The following MYCBP2 variants were observed in gnomAD, a reference collection of about 807,000 sequenced individuals.
MYCBP2 encodes the protein MYC binding protein 2, also known as E3 ubiquitin-protein ligase MYCBP2.
In MYCBP2, 120 loss-of-function variants were observed where a neutral mutation model predicts 525.3. The observed-to-expected ratio is 0.23, with a 90% CI of 0.20 to 0.27. MYCBP2 has a LOEUF of 0.27. Ranked by LOEUF, MYCBP2 falls within the 10% of genes least tolerant of loss-of-function variation. MYCBP2 has a pLI of 1.00. For missense variants in MYCBP2, 4,149 were observed against 5,657.1 expected (o/e 0.73, Z 8.55); for synonymous variants, 1,894 against 1,955.8 (o/e 0.97, Z 0.83).
intron 32 of MYCBP2, among the ~76,000 whole-genome samples, chr13:77,183,541 C>CTTTTTTTTTTTTTTTTTTTTT (rs60927409): frequency 3.0e-5 from 2 of 66,050 alleles, no homozygotes; most frequent in African/African-American, 1.4e-4. Context: ...GTCCCTATTT[C>CTTTTTTTTTTTTTTTTTTTTT]TTTTTTTTTT....
intron 73 of MYCBP2, among the ~76,000 whole-genome samples, chr13:77,063,609 AT>A (rs1259325364): frequency 6.6e-6 from 1 of 151,036 alleles, no homozygotes; most frequent in Non-Finnish European, 1.5e-5. Context: ...ATAGTTAAAA[AT>A]TTCTGAGGCT....
chr13:77,199,767 C>A (rs534740096), intron 26 of MYCBP2, among the ~76,000 whole-genome samples: 1 of 152,184 alleles, frequency 6.6e-6, no homozygotes, highest in Non-Finnish European at 1.5e-5. Context: ...GGGAGGCACC[C>A]CACAGCAGGG....
chr13:77,106,606 T>C (rs1209702729), intron 55 of MYCBP2, among the ~76,000 whole-genome samples: 7 of 152,162 alleles, frequency 4.6e-5, no homozygotes, highest in Non-Finnish European at 8.8e-5. Context: ...ATCTTTGGCA[T>C]GTAATTGTGC....
At chr13:77,251,108 T>C in intron 15 of MYCBP2, 43 bp downstream of exon 15, 2 of 1,578,726 alleles carry the variant, frequency 1.3e-6, no homozygotes, top group Admixed American at 1.7e-5. Context: ...TGCAAAGAAA[T>C]GTGTTCTGCA....
At chr13:77,135,585 T>C (rs184459912) in intron 52 of MYCBP2, among the ~76,000 whole-genome samples, 1 of 152,312 alleles carries the variant, frequency 6.6e-6, no homozygotes, top group African/African-American at 2.4e-5. Context: ...CCTCAGTTAA[T>C]ACCTGTACTG....
Position 77,181,844 on chromosome 13 carries a change from C to G in MYCBP2, c.4798G>C (p.Val1600Leu). 1 of 1,614,078 alleles carries G rather than the reference C, an allele frequency of 6.2e-7. No individual in the cohort carries two copies. Among genetic ancestry groups the G allele is most frequent in the African/African-American group, 1.3e-5 (1 of 75,040 alleles). Reference sequence around the variant, plus strand: ...ATCGGGAAGATGGAAGTCAGCTTAACAGACGTGTGACACAGAGCTGACATA... The same window carrying G: ...ATCGGGAAGATGGAAGTCAGCTTAAGAGACGTGTGACACAGAGCTGACATA... ...AVMSALCHTSVKLTSIFPIAY... is the reference protein window; with the variant it reads ...AVMSALCHTSLKLTSIFPIAY... The change falls in exon 33 of 83, where the codon GTT (valine) becomes CTT (leucine). Residue 1600 changes from valine (V) to leucine (L), a missense_variant. Transcript: ENST00000544440.
intron 55 of MYCBP2, among the ~76,000 whole-genome samples, chr13:77,111,049 A>T (rs2048731510): frequency 6.6e-6 from 1 of 152,228 alleles, no homozygotes; most frequent in African/African-American, 2.4e-5. Context: ...TGTTCAGCTT[A>T]AGTAATGAGA....
At chr13:77,241,431 G>A (rs995407914) in intron 17 of MYCBP2, among the ~76,000 whole-genome samples, 1 of 152,038 alleles carries the variant, frequency 6.6e-6, no homozygotes, top group African/African-American at 2.4e-5. Context: ...GTTCATTCAT[G>A]TCGCTCAACC....
chr13:77,326,901 G>C lies in MYCBP2; in HGVS notation c.-126C>G, dbSNP rs560276178. The C allele has an allele frequency of 1.1e-6, 1 of 909,990 alleles. No homozygotes were observed. The highest frequency in any genetic ancestry group is 2.7e-5 in the South Asian group (1 of 36,440). 56.4% of individuals were successfully genotyped at this position (909,990 alleles called of 1,614,324 possible). On this transcript the variant is annotated 5_prime_UTR_variant, in exon 1 of 83. Transcript: ENST00000544440. The surrounding 1 kb of genome is among the most constrained non-coding windows in gnomAD (Gnocchi z 4.2). The stretch of plus-strand genomic sequence containing the variant: ...GGCGGCCTCTGGCTCCCGCAGCAGG[G>C]AGACTACAAAGACAGCGACCTCCTT...
intron 55 of MYCBP2, among the ~76,000 whole-genome samples, chr13:77,114,276 T>A (rs1731194501): frequency 6.6e-6 from 1 of 152,128 alleles, no homozygotes; most frequent in Admixed American, 6.6e-5. Flanking sequence ...TGCTCTCTTT[T>A]AGAGAAGGAC....
intron 17 of MYCBP2, among the ~76,000 whole-genome samples, chr13:77,235,534 A>C (rs1467707978): frequency 6.6e-6 from 1 of 152,158 alleles, no homozygotes; most frequent in Non-Finnish European, 1.5e-5. Flanking sequence ...ACAGATAATT[A>C]AAACCTTTTT....
intron 46 of MYCBP2, among the ~76,000 whole-genome samples, 198 bp from the exon 47 acceptor site, chr13:77,151,147 C>T (rs1447393453): frequency 6.6e-5 from 10 of 151,944 alleles, no homozygotes; most frequent in African/African-American, 1.2e-4. Context: ...ACCATGAACA[C>T]GGTGTAAAAA....
chr13:77,240,207 T>C (rs1161263441), intron 17 of MYCBP2, among the ~76,000 whole-genome samples: 2 of 152,226 alleles, frequency 1.3e-5, no homozygotes, highest in East Asian at 3.8e-4. Flanking sequence ...TTTTAATTAC[T>C]TAATACAGTA....
At chr13:77,075,083 C>A (rs961353526) in intron 68 of MYCBP2, among the ~76,000 whole-genome samples, 1 of 152,140 alleles carries the variant, frequency 6.6e-6, no homozygotes, top group Non-Finnish European at 1.5e-5. Context: ...TGACGTGCAC[C>A]TGTAGTTCCA....
intron 62 of MYCBP2, among the ~76,000 whole-genome samples, chr13:77,086,069 C>A (rs1026623874): frequency 2.0e-5 from 3 of 152,068 alleles, no homozygotes; most frequent in African/African-American, 4.8e-5. Context: ...CATGACATAT[C>A]ATTACTTTTT....
At chr13:77,281,696 A>T (rs1389318048) in intron 3 of MYCBP2, among the ~76,000 whole-genome samples, 1 of 152,184 alleles carries the variant, frequency 6.6e-6, no homozygotes, top group Admixed American at 6.5e-5. Flanking sequence ...ATATTTGGCC[A>T]AAGAAAAATG....
chr13:77,251,134 G>T lies in MYCBP2; in HGVS notation c.2381+17C>A. The T allele has an allele frequency of 6.2e-7, 1 of 1,609,888 alleles. No homozygotes were observed. The highest frequency in any genetic ancestry group is 1.1e-5 in the South Asian group (1 of 90,852). ...GTGTTCTGCACATGTTCTTTAGTAGGAATCATTGTCTCTTACCCTCCGGGG... is the reference window on the plus strand; with the variant it reads ...GTGTTCTGCACATGTTCTTTAGTAGTAATCATTGTCTCTTACCCTCCGGGG... On this transcript the variant is annotated intron_variant, in intron 15 of 82. Coordinates refer to ENST00000544440, the MANE Select transcript of MYCBP2 (RefSeq NM_015057.5).
In MYCBP2 at chr13:77,205,329, C is replaced by T; in HGVS notation, c.3770G>A (p.Ser1257Asn). Residue 1257 changes from serine (S) to asparagine (N), a missense_variant, in exon 26 of 83, where the codon AGT becomes AAT. By Grantham distance (46) the Ser-to-Asn change is conservative. This residue lies in a region of MYCBP2 where 620 missense variants were observed against 795.5 expected (regional missense o/e 0.78). Coordinates refer to ENST00000544440, the MANE Select transcript of MYCBP2 (RefSeq NM_015057.5). ...SAHSVEAIRF[S>N]ADTDILLGGL... ...ACCAAGTAAAATATCAGTGTCGGCA[C>T]TGAAACGTATAGCTTCTACTGAATG... 6.2e-7 allele frequency: 1 copy of T among 1,613,844 alleles called. No homozygotes were observed. The highest frequency in any genetic ancestry group is 1.1e-5 in the South Asian group (1 of 91,040).
intron 17 of MYCBP2, among the ~76,000 whole-genome samples, chr13:77,235,649 T>C (rs946748912): frequency 2.6e-5 from 4 of 152,090 alleles, no homozygotes; most frequent in Non-Finnish European, 5.9e-5. Flanking sequence ...CATGTGAAGT[T>C]CTGGGAACCC....
Sources: gnomAD v4.1 joint callset for allele counts (sites outside exome capture counted in the v4.1 genomes callset) on GRCh38, gnomAD v4.1.1 for gene constraint, gnomAD v4.1.1 regional missense constraint, Gnocchi (gnomAD v3.1) non-coding constraint, MANE v1.5 for transcripts, NCBI Gene and HGNC (gene_info 2026-07-23, HGNC 2026-07-21) for gene names.